PCDHGA7: variants seen among roughly 807,000 people sequenced by gnomAD.
PCDHGA7 encodes the protein protocadherin gamma subfamily A, 7.
PCDHGA7 carries 44 observed loss-of-function variants against 58.3 expected under a neutral mutation model. That is an observed-to-expected ratio of 0.75 (90% CI 0.59 to 0.97). PCDHGA7 has a LOEUF of 0.97. PCDHGA7 is among the 50% of genes least tolerant of loss of function. PCDHGA7 has a pLI of 0.00. For synonymous variants in PCDHGA7, 516 were observed against 504.2 expected (o/e 1.02, Z -0.31); for missense variants, 1,266 against 1,188.7 (o/e 1.06, Z -0.96).
intron 1 of PCDHGA7, among the ~76,000 whole-genome samples, chr5:141,447,082 T>A (rs1259827606): frequency 6.6e-6 from 1 of 152,156 alleles, no homozygotes; most frequent in Non-Finnish European, 1.5e-5. Flanking sequence ...ATTTTTGTTG[T>A]TTAATTTTCT....
chr5:141,421,433 C>T, intron 1 of PCDHGA7: 1 of 1,614,074 alleles, frequency 6.2e-7, no homozygotes, highest in African/African-American at 1.3e-5. Flanking sequence ...CGCATCGTCT[C>T]CAGAGGGAAG....
intron 1 of PCDHGA7, chr5:141,394,162 C>T: frequency 6.2e-7 from 1 of 1,613,904 alleles, no homozygotes; most frequent in Non-Finnish European, 8.5e-7. Context: ...GACAACCCTC[C>T]TACTTTCCCT....
chr5:141,489,334 C>T lies in PCDHGA7; in HGVS notation c.2425-5473C>T, dbSNP rs768635851. On this transcript the variant is annotated intron_variant, in intron 1 of 3. Transcript: ENST00000518325. This position sits in a 1 kb window ranked among gnomAD's most constrained non-coding sequence, Gnocchi z 4.5. ...CTGGGGCTGGGTGTCTGGGCAGCTTCGTTACTCAGTGGTGGAGGAGTCTGA... is the reference window on the plus strand; with the variant it reads ...CTGGGGCTGGGTGTCTGGGCAGCTTTGTTACTCAGTGGTGGAGGAGTCTGA... The T allele has an allele frequency of 3.7e-6, 6 of 1,606,732 alleles. No individual in the cohort carries two copies. The highest frequency in any genetic ancestry group is 1.1e-5 in the South Asian group (1 of 90,048).
chr5:141,470,680 T>C (rs1212361233), intron 1 of PCDHGA7, among the ~76,000 whole-genome samples: 1 of 152,090 alleles, frequency 6.6e-6, no homozygotes, highest in Non-Finnish European at 1.5e-5. Context: ...GCTGTTACCA[T>C]CTTGAAATTC....
chr5:141,400,793 C>T, intron 1 of PCDHGA7: 2 of 561,880 alleles, frequency 3.6e-6, no homozygotes, highest in Admixed American at 3.5e-5. Context: ...TGTCCTCTTT[C>T]TCAAAGCTAA....
chr5:141,465,697 T>C (rs1386528821), intron 1 of PCDHGA7, among the ~76,000 whole-genome samples: 2 of 152,200 alleles, frequency 1.3e-5, no homozygotes, highest in African/African-American at 4.8e-5. Context: ...TGCTTTTGCA[T>C]TGGTCAAATG....
At chr5:141,423,090 G>A in intron 1 of PCDHGA7, 2 of 1,614,022 alleles carry the variant, frequency 1.2e-6, no homozygotes, top group Non-Finnish European at 1.7e-6. Flanking sequence ...TCGCGGTGGG[G>A]GAGCACACGG....
In PCDHGA7 at chr5:141,393,593, G is replaced by A. The variant is rs2092803808; in HGVS notation, c.2424+8270G>A. ...TTGAGAACATGCCCCCAGGCACGCG[G>A]CTGCTTACTGTAACAGCCAGCGACC... On this transcript the variant is annotated intron_variant, in intron 1 of 3. Transcript: ENST00000518325. The A allele has an allele frequency of 5.0e-6, 8 of 1,613,906 alleles. No individual in the cohort carries two copies. The East Asian group carries it at 1.8e-4, about 36-fold the overall frequency.
At chr5:141,403,551 T>G in intron 1 of PCDHGA7, 1 of 1,613,986 alleles carries the variant, frequency 6.2e-7, no homozygotes, top group Non-Finnish European at 8.5e-7. Context: ...GAGCGCGCCC[T>G]GGACAGGGAG....
At chr5:141,389,582 T>G (rs1266016569) in intron 1 of PCDHGA7, 7 of 1,613,028 alleles carry the variant, frequency 4.3e-6, no homozygotes, top group Non-Finnish European at 5.1e-6. Flanking sequence ...CCGCGCTGGG[T>G]CCCGACGGCT....
chr5:141,413,470 C>T (rs748662580), intron 1 of PCDHGA7: 17 of 1,614,110 alleles, frequency 1.1e-5, no homozygotes, highest in Non-Finnish European at 1.4e-5. Flanking sequence ...CCGGGAGGAG[C>T]TCTGCGCTCA....
At chr5:141,423,227 A>C (rs1305722929) in intron 1 of PCDHGA7, 5 of 1,613,634 alleles carry the variant, frequency 3.1e-6, no homozygotes, top group Non-Finnish European at 2.5e-6. Context: ...GCTGTGGCCG[A>C]CAGCATCCCC....
In PCDHGA7 at chr5:141,431,253, ACT is replaced by A. The variant is rs757246289; in HGVS notation, c.2424+45935_2424+45936del. On this transcript the variant is annotated intron_variant, in intron 1 of 3. Coordinates refer to ENST00000518325, the MANE Select transcript of PCDHGA7 (RefSeq NM_018920.4). This position sits in a 1 kb window ranked among gnomAD's most constrained non-coding sequence, Gnocchi z 4.8. ...GCCTGGGATCCGGATATCGGGAAGA[ACT>A]CTCTGCAGAGCTACGAGCTCAGCCC... 2.2e-5 allele frequency: 35 copies of A among 1,614,014 alleles called. No individual in the cohort carries two copies. In the South Asian group the frequency reaches 3.1e-4, roughly 14 times the overall value.
intron 1 of PCDHGA7, among the ~76,000 whole-genome samples, chr5:141,434,700 G>A (rs1041657389): frequency 6.6e-6 from 1 of 151,780 alleles, no homozygotes; most frequent in Non-Finnish European, 1.5e-5. Context: ...TAATAAATAT[G>A]TGGGTAAATC....
At chr5:141,494,783 C>G (rs2099756910) in intron 1 of PCDHGA7, 24 bp from the exon 2 acceptor site, 2 of 1,613,964 alleles carry the variant, frequency 1.2e-6, no homozygotes, top group Admixed American at 3.3e-5. Context: ...GTACTCAGCC[C>G]CTTTCCCTCT....
At chr5:141,389,440 A>C (rs769871337) in intron 1 of PCDHGA7, 3 of 1,610,596 alleles carry the variant, frequency 1.9e-6, no homozygotes, top group Non-Finnish European at 2.5e-6. Context: ...CGCGCCTTCG[A>C]CCACGAGCAG....
intron 1 of PCDHGA7, chr5:141,423,007 G>C (rs772337723): frequency 1.9e-6 from 3 of 1,614,242 alleles, no homozygotes; most frequent in Non-Finnish European, 2.5e-6. Flanking sequence ...CAAGGTGGTT[G>C]CGGTGGACAA....
At chr5:141,478,231 T>C (rs1423148) in intron 1 of PCDHGA7, 739,438 of 1,613,786 alleles carry the variant, frequency 0.46, 177,434 homozygotes, top group African/African-American at 0.83. Flanking sequence ...CTGTGGGGTT[T>C]GTGGTCACAG....
chr5:141,399,853 C>G, intron 1 of PCDHGA7: 1 of 1,612,978 alleles, frequency 6.2e-7, no homozygotes, highest in Non-Finnish European at 8.5e-7. Flanking sequence ...TATGGTGCCG[C>G]GCGCTGCAGA....
Sources: gnomAD v4.1 joint callset for allele counts (sites outside exome capture counted in the v4.1 genomes callset) on GRCh38, gnomAD v4.1.1 for gene constraint, Gnocchi (gnomAD v3.1) non-coding constraint, MANE v1.5 for transcripts, NCBI Gene and HGNC (gene_info 2026-07-23, HGNC 2026-07-21) for gene names.